Variants in ST8SIA1 observed in about 807,000 individuals in gnomAD.
The protein encoded by ST8SIA1 is ST8 alpha-N-acetyl-neuraminide alpha-2,8-sialyltransferase 1, also known as alpha-N-acetylneuraminide alpha-2,8-sialyltransferase.
A neutral mutation model predicts 35.9 loss-of-function variants in ST8SIA1; 16 were observed. The ratio of observed to expected loss-of-function variants is 0.45; its 90% confidence interval spans 0.30 to 0.68. The LOEUF (loss-of-function observed/expected upper bound fraction) is 0.68, where lower values mean the gene tolerates loss of function less well. Among genes scored for constraint, ST8SIA1 ranks in the 30% least tolerant of loss-of-function variants. ST8SIA1 has a pLI of 0.09. For synonymous variants in ST8SIA1, 170 were observed against 169.6 expected (o/e 1.00, Z -0.02); for missense variants, 383 against 453.6 (o/e 0.84, Z 1.41).
intron 4 of ST8SIA1, among the ~76,000 whole-genome samples, chr12:22,218,634 A>AATAAATAAATAAATAAATAAATAC (rs1565569736): frequency 4.0e-5 from 6 of 151,462 alleles, no homozygotes; most frequent in East Asian, 3.9e-4. Flanking sequence ...TAAATAAATA[A>AATAAATAAATAAATAAATAAATAC]ATACAAAAAG....
chr12:22,220,091 T>C (rs927722490), intron 4 of ST8SIA1, among the ~76,000 whole-genome samples: 1 of 152,158 alleles, frequency 6.6e-6, no homozygotes, highest in Non-Finnish European at 1.5e-5. Context: ...AAGCTCTACA[T>C]AAGCCCAGCA....
At chr12:22,306,257 T>A (rs1866381619) in intron 1 of ST8SIA1, among the ~76,000 whole-genome samples, 1 of 152,208 alleles carries the variant, frequency 6.6e-6, no homozygotes, top group African/African-American at 2.4e-5. Context: ...CAGGACCTCC[T>A]GAGGCTGTGT....
intron 4 of ST8SIA1, among the ~76,000 whole-genome samples, chr12:22,208,630 T>C (rs899114855): frequency 1.5e-4 from 23 of 152,216 alleles, no homozygotes; most frequent in African/African-American, 5.3e-4. Flanking sequence ...GATAAGGTAA[T>C]TCTAAACATC....
At chr12:22,273,953 G>A (rs1312897041) in intron 2 of ST8SIA1, among the ~76,000 whole-genome samples, 1 of 152,204 alleles carries the variant, frequency 6.6e-6, no homozygotes, top group Non-Finnish European at 1.5e-5. Context: ...GGTACCTGGT[G>A]CTCTGGGGAC....
chr12:22,235,464 G>A (rs1014621540), intron 4 of ST8SIA1, among the ~76,000 whole-genome samples: 2 of 152,078 alleles, frequency 1.3e-5, no homozygotes, highest in Non-Finnish European at 2.9e-5. Context: ...ACTGTCATCC[G>A]TTTTCATGAG....
chr12:22,291,966 A>G (rs1866181969), intron 1 of ST8SIA1, among the ~76,000 whole-genome samples: 1 of 152,200 alleles, frequency 6.6e-6, no homozygotes, highest in Non-Finnish European at 1.5e-5. Context: ...TAAAATTTTA[A>G]ATAATATAAA....
At chr12:22,283,871 G>C (rs1001730279) in intron 2 of ST8SIA1, among the ~76,000 whole-genome samples, 4 of 152,150 alleles carry the variant, frequency 2.6e-5, no homozygotes, top group Admixed American at 1.3e-4. Context: ...TCACAAGATG[G>C]TACTGAGATA....
At chr12:22,308,708 C>A (rs1324292480) in intron 1 of ST8SIA1, among the ~76,000 whole-genome samples, 7 of 149,842 alleles carry the variant, frequency 4.7e-5, no homozygotes, top group African/African-American at 1.8e-4. Flanking sequence ...TCTGAATGAT[C>A]AAATCAAATC....
chr12:22,237,260 T>C (rs1591831341), intron 4 of ST8SIA1, among the ~76,000 whole-genome samples: 1 of 151,904 alleles, frequency 6.6e-6, no homozygotes, highest in African/African-American at 2.4e-5. Context: ...TCTGGCTAAT[T>C]TTTTATTTTT....
At position 22,255,310 on chromosome 12, in the gene ST8SIA1, C is replaced by G. The variant is rs1555157412; in HGVS notation, c.461G>C (p.Arg154Pro). ...GGILKKSGCG[R>P]QIDEANFVMR... ...GACAAAATTTGCTTCATCTATTTGA[C>G]GGCCACAGCCACTCTTCTTCAGAAT... The change falls in exon 3 of 5, where the codon CGT becomes CCT. Residue 154 changes from arginine (R) to proline (P), a missense_variant. Arg to Pro is a moderately radical substitution (Grantham distance 103, BLOSUM62 -2). Coordinates refer to ENST00000396037, the MANE Select transcript of ST8SIA1 (RefSeq NM_003034.4). The G allele has an allele frequency of 6.2e-7, 1 of 1,614,046 alleles. No individual in the cohort carries two copies. Among genetic ancestry groups the G allele is most frequent in the Non-Finnish European group, 8.5e-7 (1 of 1,180,018 alleles).
chr12:22,313,163 T>A (rs1324417488), intron 1 of ST8SIA1, among the ~76,000 whole-genome samples: 1 of 152,188 alleles, frequency 6.6e-6, no homozygotes, highest in Non-Finnish European at 1.5e-5. Context: ...TTTTCGCAAC[T>A]GCACAATAGA....
chr12:22,302,107 T>C (rs1866325685), intron 1 of ST8SIA1, among the ~76,000 whole-genome samples: 1 of 152,196 alleles, frequency 6.6e-6, no homozygotes, highest in African/African-American at 2.4e-5. Context: ...TCAAAAACTA[T>C]AGTACATCTG....
intron 1 of ST8SIA1, among the ~76,000 whole-genome samples, chr12:22,307,674 C>A (rs1167829936): frequency 6.6e-6 from 1 of 152,202 alleles, no homozygotes; most frequent in East Asian, 1.9e-4. Context: ...TTTCTGTACT[C>A]TCCTAATCAG....
At chr12:22,296,822 G>C (rs1866250673) in intron 1 of ST8SIA1, among the ~76,000 whole-genome samples, 1 of 152,142 alleles carries the variant, frequency 6.6e-6, no homozygotes, top group Admixed American at 6.6e-5. Flanking sequence ...CAGTAGTTGG[G>C]CAGTCATCGT....
At position 22,311,137 on chromosome 12, in the gene ST8SIA1, C is replaced by G. The variant is rs544855431; in HGVS notation, c.236+22860G>C. Among the ~76,000 whole-genome samples, 9 of 152,252 alleles carry G rather than the reference C, an allele frequency of 5.9e-5. No individual in the cohort carries two copies. The East Asian group carries it at 1.7e-3, about 29-fold the overall frequency. ...CACTCATTCATTCATTCACCTACTA[C>G]TTATTATGCACTGAGTGTGTGTCAA... On this transcript the variant is annotated intron_variant, in intron 1 of 4. Transcript: ENST00000396037.
Position 22,334,031 on chromosome 12 carries a change from A to T in ST8SIA1, c.202T>A (p.Trp68Arg). ...VQGVLQQGTA[W>R]RRNQTAARAF... ...CTGGCCGCGGTCTGGTTCCTCCTCC[A>T]CGCCGTGCCCTGTTGCAGCACCCCC... The change falls in exon 1 of 5, where the codon TGG (tryptophan) becomes AGG (arginine). Residue 68 changes from tryptophan (W) to arginine (R), a missense_variant. Transcript: ENST00000396037. 6.2e-7 allele frequency: 1 copy of T among 1,613,710 alleles called. No homozygotes were observed. Among genetic ancestry groups the T allele is most frequent in the South Asian group, 1.1e-5 (1 of 91,054 alleles).
chr12:22,290,632 G>A (rs956635908), intron 1 of ST8SIA1, among the ~76,000 whole-genome samples: 2 of 152,168 alleles, frequency 1.3e-5, no homozygotes, highest in African/African-American at 4.8e-5. Context: ...GAAAAAGGAG[G>A]ACATTAAGTC....
chr12:22,240,906 A>G (rs1202639903), intron 4 of ST8SIA1, among the ~76,000 whole-genome samples: 1 of 152,134 alleles, frequency 6.6e-6, no homozygotes, highest in Admixed American at 6.6e-5. Flanking sequence ...ACAAATTTTA[A>G]AAGTTTAACT....
At chr12:22,248,392 C>A (rs985571104) in intron 4 of ST8SIA1, among the ~76,000 whole-genome samples, 2 of 152,140 alleles carry the variant, frequency 1.3e-5, no homozygotes, top group African/African-American at 4.8e-5. Flanking sequence ...CAATTAGAGA[C>A]TGACCCCCTC....
Sources: gnomAD v4.1 joint callset for allele counts (sites outside exome capture counted in the v4.1 genomes callset) on GRCh38, gnomAD v4.1.1 for gene constraint, MANE v1.5 for transcripts, NCBI Gene and HGNC (gene_info 2026-07-23, HGNC 2026-07-21) for gene names.